The following RBFOX1 variants were observed in gnomAD, a reference collection of about 807,000 sequenced individuals.
The protein encoded by RBFOX1 is RNA binding fox-1 homolog 1, also known as RNA binding protein fox-1 homolog 1.
Under a neutral mutation model 57.7 loss-of-function variants are expected in RBFOX1, and 8 were observed. That is an observed-to-expected ratio of 0.14 (90% CI 0.08 to 0.25). RBFOX1 has a LOEUF of 0.25. RBFOX1 is among the 10% of genes least tolerant of loss of function. RBFOX1 has a pLI of 1.00. For missense variants in RBFOX1, 611 were observed against 548.5 expected (o/e 1.11, Z -1.14); for synonymous variants, 326 against 222.4 (o/e 1.47, Z -4.15).
At chr16:6,380,756 C>T (rs1430845754) in intron 2 of RBFOX1, among the ~76,000 whole-genome samples, 1 of 152,076 alleles carries the variant, frequency 6.6e-6, no homozygotes, top group East Asian at 1.9e-4. Flanking sequence ...CAAAGGAGAA[C>T]ACATAATCAA....
chr16:5,609,771 C>G (rs1354127752), intron 3 of RBFOX1, among the ~76,000 whole-genome samples: 3 of 151,296 alleles, frequency 2.0e-5, no homozygotes, highest in African/African-American at 7.3e-5. Context: ...ACTTGTTAAT[C>G]TCATAATATT....
intron 5 of RBFOX1, among the ~76,000 whole-genome samples, chr16:7,562,065 A>G (rs1350896293): frequency 2.0e-5 from 3 of 152,210 alleles, no homozygotes; most frequent in Non-Finnish European, 2.9e-5. Context: ...CGTCAGCCAG[A>G]AAGGGAGGCT....
At chr16:6,450,380 G>A (rs1489002308) in intron 2 of RBFOX1, among the ~76,000 whole-genome samples, 1 of 151,976 alleles carries the variant, frequency 6.6e-6, no homozygotes, top group African/African-American at 2.4e-5. Context: ...ACCTCCGTTT[G>A]CTCCAGCCTT....
chr16:5,814,677 C>T (rs1244427249), intron 3 of RBFOX1, among the ~76,000 whole-genome samples: 2 of 152,164 alleles, frequency 1.3e-5, no homozygotes, highest in Non-Finnish European at 2.9e-5. Context: ...GCCTGTAATC[C>T]CAGCACTTTG....
intron 4 of RBFOX1, among the ~76,000 whole-genome samples, chr16:7,297,607 A>G (rs1438686976): frequency 6.6e-6 from 1 of 152,128 alleles, no homozygotes; most frequent in African/African-American, 2.4e-5. Flanking sequence ...GCAGGTTTTC[A>G]TGTACTAGCC....
At chr16:6,530,401 G>GC (rs1335812139) in intron 2 of RBFOX1, among the ~76,000 whole-genome samples, 2 of 152,174 alleles carry the variant, frequency 1.3e-5, no homozygotes, top group East Asian at 3.9e-4. Flanking sequence ...AGGCTCACCT[G>GC]CAAGATGGGG....
chr16:5,303,943 A>C (rs990600724), intron 1 of RBFOX1, among the ~76,000 whole-genome samples: 1 of 152,212 alleles, frequency 6.6e-6, no homozygotes, highest in Non-Finnish European at 1.5e-5. Context: ...GTTTGGATCC[A>C]TAAATACAAA....
At chr16:6,903,019 A>C (rs959422481) in intron 3 of RBFOX1, among the ~76,000 whole-genome samples, 1 of 152,158 alleles carries the variant, frequency 6.6e-6, no homozygotes, top group African/African-American at 2.4e-5. Context: ...GTAACTTCAA[A>C]TGAGATGACT....
At chr16:7,310,261 G>T (rs2096278430) in intron 4 of RBFOX1, among the ~76,000 whole-genome samples, 1 of 152,192 alleles carries the variant, frequency 6.6e-6, no homozygotes, top group Non-Finnish European at 1.5e-5. Flanking sequence ...CCTGAGCCTG[G>T]CATACGATGA....
At chr16:6,737,001 G>T (rs923876180) in intron 3 of RBFOX1, among the ~76,000 whole-genome samples, 3 of 152,132 alleles carry the variant, frequency 2.0e-5, no homozygotes, top group African/African-American at 4.8e-5. Context: ...TCCCTGACAC[G>T]GGAACCGTCT....
At chr16:7,335,322 T>C (rs2144670566) in intron 4 of RBFOX1, among the ~76,000 whole-genome samples, 1 of 152,272 alleles carries the variant, frequency 6.6e-6, no homozygotes, top group South Asian at 2.1e-4. Flanking sequence ...ACCACCTAAA[T>C]ATGTCATTGG....
At chr16:7,479,436 C>G (rs2063436799) in intron 4 of RBFOX1, among the ~76,000 whole-genome samples, 1 of 152,072 alleles carries the variant, frequency 6.6e-6, no homozygotes, top group Admixed American at 6.6e-5. Context: ...GGCCCAAACC[C>G]AGGTATTTTA....
intron 1 of RBFOX1, among the ~76,000 whole-genome samples, chr16:6,276,746 A>G (rs750426277): frequency 1.3e-5 from 2 of 152,006 alleles, no homozygotes; most frequent in African/African-American, 2.4e-5. Context: ...CTCTGCTGCT[A>G]TTCTTTATCA....
At chr16:6,014,187 A>G (rs930228664), upstream of RBFOX1, among the ~76,000 whole-genome samples, 5 of 152,230 alleles carry the variant, frequency 3.3e-5, no homozygotes, top group Admixed American at 1.3e-4. Context: ...ATACAATCAA[A>G]GAGCTTATAT....
intron 1 of RBFOX1, among the ~76,000 whole-genome samples, chr16:6,158,696 C>T (rs2096855963): frequency 1.3e-5 from 2 of 152,050 alleles, no homozygotes; most frequent in Admixed American, 6.6e-5. Flanking sequence ...GGAGAGCTTA[C>T]CTGAAGACAT....
intron 4 of RBFOX1, among the ~76,000 whole-genome samples, chr16:7,331,779 C>T (rs1055156409): frequency 6.6e-6 from 1 of 152,034 alleles, no homozygotes. Context: ...ACACCCAAGT[C>T]AGTATAATTC....
intron 3 of RBFOX1, among the ~76,000 whole-genome samples, chr16:6,958,081 T>C (rs1277948614): frequency 6.6e-6 from 1 of 151,382 alleles, no homozygotes; most frequent in Non-Finnish European, 1.5e-5. Flanking sequence ...CTCATGGATG[T>C]TAAAGGCAGC....
At chr16:6,593,756 G>C (rs1207451385) in intron 2 of RBFOX1, among the ~76,000 whole-genome samples, 1 of 152,164 alleles carries the variant, frequency 6.6e-6, no homozygotes, top group African/African-American at 2.4e-5. Context: ...GGAACAGAGA[G>C]GAGGAGAAAC....
At chr16:6,638,014 A>T (rs2098459116) in intron 2 of RBFOX1, among the ~76,000 whole-genome samples, 1 of 152,130 alleles carries the variant, frequency 6.6e-6, no homozygotes, top group African/African-American at 2.4e-5. Context: ...CCAGGATGAC[A>T]TGTTTGACTG....
Sources: allele counts gnomAD v4.1 joint callset (sites outside exome capture counted in the v4.1 genomes callset), GRCh38; gene constraint gnomAD v4.1.1; transcripts MANE v1.5; gene names NCBI Gene and HGNC (gene_info 2026-07-23, HGNC 2026-07-21).